BAZ1B: variants seen among roughly 807,000 people sequenced by gnomAD.
BAZ1B encodes tyrosine-protein kinase BAZ1B.
A neutral mutation model predicts 153.8 loss-of-function variants in BAZ1B; 22 were observed. That is an observed-to-expected ratio of 0.14 (90% confidence interval 0.10 to 0.20). BAZ1B has a LOEUF of 0.20. Ranked by LOEUF, BAZ1B falls within the 10% of genes least tolerant of loss-of-function variation. BAZ1B has a pLI of 1.00. For missense variants in BAZ1B, 1,325 were observed against 1,799.3 expected, an observed-to-expected ratio of 0.74 and a Z score of 4.77; for synonymous variants, 676 against 633.4, an observed-to-expected ratio of 1.07 and a Z score of -1.01.
At chr7:73,451,356 A>G (rs1413249246) in intron 13 of BAZ1B, among the ~76,000 whole-genome samples, 1 of 152,190 alleles carries the variant, frequency 6.6e-6, no homozygotes, top group Non-Finnish European at 1.5e-5. Context: ...CCACAACACC[A>G]CCAATCCAAT....
At chr7:73,481,760 G>A (rs781870047) in intron 6 of BAZ1B, among the ~76,000 whole-genome samples, 2 of 151,958 alleles carry the variant, frequency 1.3e-5, no homozygotes, top group Admixed American at 6.6e-5. Flanking sequence ...ATGTGTTGCC[G>A]GGCGGGGTGG....
chr7:73,497,770 G>A (rs1554576575), intron 4 of BAZ1B, among the ~76,000 whole-genome samples: 2 of 152,112 alleles, frequency 1.3e-5, no homozygotes, highest in Non-Finnish European at 1.5e-5. Context: ...GTTCAAGGGT[G>A]AGCTGTACCT....
chr7:73,483,392 C>T (rs1036951861), intron 6 of BAZ1B, among the ~76,000 whole-genome samples: 3 of 152,200 alleles, frequency 2.0e-5, no homozygotes, highest in African/African-American at 7.2e-5. Context: ...TGATTCTTAT[C>T]TCACTGTTCT....
intron 1 of BAZ1B, among the ~76,000 whole-genome samples, chr7:73,521,416 T>A (rs1199992277): frequency 6.6e-6 from 1 of 152,048 alleles, no homozygotes; most frequent in Non-Finnish European, 1.5e-5. Context: ...AAGCTGCAGG[T>A]TTCATTTAAA....
chr7:73,451,106 C>T (rs1306964072), intron 13 of BAZ1B, 112 bp from the exon 14 acceptor site: 4 of 1,307,038 alleles, frequency 3.1e-6, no homozygotes, highest in Non-Finnish European at 4.1e-6. Flanking sequence ...CCTCCTAGAA[C>T]TTCACTAATC....
chr7:73,481,640 C>T (rs1327283493), intron 6 of BAZ1B, among the ~76,000 whole-genome samples: 10 of 151,984 alleles, frequency 6.6e-5, no homozygotes, highest in Non-Finnish European at 1.2e-4. Flanking sequence ...TTAACAAATC[C>T]CTCTTTTGGC....
At chr7:73,490,306 A>G (rs1789584224) in intron 5 of BAZ1B, among the ~76,000 whole-genome samples, 1 of 152,208 alleles carries the variant, frequency 6.6e-6, no homozygotes, top group South Asian at 2.1e-4. Flanking sequence ...CACACAATAA[A>G]TGAAAAAATT....
In BAZ1B at chr7:73,476,927, C is replaced by A; in HGVS notation, c.2534G>T (p.Arg845Ile). ...CTTAGCTTGAATGGCAAGCAACCTT[C>A]TGCTCTTCACAGCACTAATCATGTC... The part of the protein sequence containing the change: ...AEDMISAVKS[R>I]RLLAIQAKKE... The change falls in exon 7 of 20, where the codon AGA becomes ATA. Residue 845 changes from arginine (R) to isoleucine (I), a missense_variant. Transcript: ENST00000339594. 6.2e-7 allele frequency: 1 copy of A among 1,612,754 alleles called. No individual in the cohort carries two copies. The highest frequency in any genetic ancestry group is 8.5e-7 in the Non-Finnish European group (1 of 1,179,730).
intron 7 of BAZ1B, among the ~76,000 whole-genome samples, chr7:73,476,359 T>C (rs890984821): frequency 2.6e-5 from 4 of 152,206 alleles, no homozygotes; most frequent in Non-Finnish European, 5.9e-5. Flanking sequence ...GATGGAGCCA[T>C]CAAAGCCCAA....
At chr7:73,517,083 T>G (rs1335594625) in intron 1 of BAZ1B, among the ~76,000 whole-genome samples, 3 of 151,784 alleles carry the variant, frequency 2.0e-5, no homozygotes, top group Non-Finnish European at 2.9e-5. Context: ...CTTGGGAGTC[T>G]GAGGCAGGAG....
At chr7:73,484,528 C>A (rs1331721788) in intron 6 of BAZ1B, among the ~76,000 whole-genome samples, 1 of 151,934 alleles carries the variant, frequency 6.6e-6, no homozygotes, top group South Asian at 2.1e-4. Context: ...CCTGTGGTCT[C>A]GGCTACTCAG....
At chr7:73,471,371 A>G (rs1274185708) in intron 7 of BAZ1B, among the ~76,000 whole-genome samples, 1 of 152,182 alleles carries the variant, frequency 6.6e-6, no homozygotes, top group Admixed American at 6.5e-5. Context: ...ATTTCTGATC[A>G]TTCATTAATT....
In BAZ1B at chr7:73,470,403, C is replaced by G. The variant is rs782544586; in HGVS notation, c.2674G>C (p.Ala892Pro). The stretch of plus-strand genomic sequence containing the variant: ...CTGCGCATGACTAGTTTGGCCTTGG[C>G]AATCCCTTCCTGGAAAGCTTTCTCA... Reference protein sequence around the residue: ...AAEKAFQEGIAKAKLVMRRTP... With the variant: ...AAEKAFQEGIPKAKLVMRRTP... Residue 892 changes from alanine to proline, a missense_variant, in exon 8 of 20, where the codon GCC becomes CCC. This residue lies in a region of BAZ1B where 431 missense variants were observed against 563.5 expected (regional missense o/e 0.76). Coordinates refer to ENST00000339594, the MANE Select transcript of BAZ1B (RefSeq NM_032408.4). 1 of 1,614,108 alleles carries G rather than the reference C, an allele frequency of 6.2e-7. No homozygotes were observed. Among genetic ancestry groups the G allele is most frequent in the Non-Finnish European group, 8.5e-7 (1 of 1,180,016 alleles).
intron 2 of BAZ1B, among the ~76,000 whole-genome samples, chr7:73,508,971 C>G (rs1425029536): frequency 6.6e-6 from 1 of 151,122 alleles, no homozygotes; most frequent in East Asian, 2.0e-4. Context: ...CGAGATCGCA[C>G]CACTGCACTC....
chr7:73,521,256 T>A (rs1229296113), intron 1 of BAZ1B, among the ~76,000 whole-genome samples: 1 of 152,068 alleles, frequency 6.6e-6, no homozygotes, highest in African/African-American at 2.4e-5. Flanking sequence ...CCTAGTTTTC[T>A]GCCCCAGGGT....
At chr7:73,458,758 G>A (rs576118365) in intron 13 of BAZ1B, among the ~76,000 whole-genome samples, 16 of 152,142 alleles carry the variant, frequency 1.1e-4, no homozygotes, top group East Asian at 5.8e-4. Flanking sequence ...ATGGCTGGGC[G>A]CAGTGGCTCA....
intron 1 of BAZ1B, among the ~76,000 whole-genome samples, chr7:73,521,312 A>G (rs1554580145): frequency 6.6e-6 from 1 of 152,192 alleles, no homozygotes; most frequent in African/African-American, 2.4e-5. Flanking sequence ...GAGACGAAAA[A>G]AACGCCAAGT....
At chr7:73,470,543 T>G in intron 7 of BAZ1B, 60 bp from the exon 8 acceptor site, 1 of 1,576,726 alleles carries the variant, frequency 6.3e-7, no homozygotes, top group South Asian at 1.1e-5. Flanking sequence ...CTCTTACAAA[T>G]TAAATAAAAT....
At chr7:73,509,080 G>A (rs1790468170) in intron 2 of BAZ1B, among the ~76,000 whole-genome samples, 1 of 151,700 alleles carries the variant, frequency 6.6e-6, no homozygotes, top group Non-Finnish European at 1.5e-5. Context: ...CTAGCACTTT[G>A]GGAGGCCAAG....
Sources: allele counts gnomAD v4.1 joint callset (sites outside exome capture counted in the v4.1 genomes callset), GRCh38; gene constraint gnomAD v4.1.1; regional missense constraint gnomAD v4.1.1; transcripts MANE v1.5; gene names NCBI Gene and HGNC (gene_info 2026-07-23, HGNC 2026-07-21).